PTPN4: variants seen among roughly 807,000 people sequenced by gnomAD.
The protein encoded by PTPN4 is tyrosine-protein phosphatase non-receptor type 4.
A neutral mutation model predicts 135.5 loss-of-function variants in PTPN4; 49 were observed. The ratio of observed to expected loss-of-function variants is 0.36; its 90% CI spans 0.29 to 0.46. The LOEUF (loss-of-function observed/expected upper bound fraction) is 0.46, where lower values mean the gene tolerates loss of function less well. Among genes scored for constraint, PTPN4 ranks in the 20% least tolerant of loss-of-function variants. PTPN4 has a pLI of 1.00. For missense variants in PTPN4, 860 were observed against 1,101.0 expected, an observed-to-expected ratio of 0.78 and a Z score of 3.10; for synonymous variants, 333 against 369.9, an observed-to-expected ratio of 0.90 and a Z score of 1.14.
chr2:119,779,565 C>T (rs998921104), intron 1 of PTPN4, among the ~76,000 whole-genome samples: 23 of 145,538 alleles, frequency 1.6e-4, no homozygotes, highest in Admixed American at 5.0e-4. Context: ...TGCAGTGAGC[C>T]GAGATTGTGC....
chr2:119,820,762 T>C (rs984616586), intron 2 of PTPN4, among the ~76,000 whole-genome samples: 1 of 152,186 alleles, frequency 6.6e-6, no homozygotes, highest in Non-Finnish European at 1.5e-5. Context: ...CCTTATTATT[T>C]AACATTCTTT....
intron 9 of PTPN4, among the ~76,000 whole-genome samples, chr2:119,887,105 C>T (rs1175128728): frequency 2.6e-5 from 4 of 151,716 alleles, no homozygotes; most frequent in Non-Finnish European, 4.4e-5. Flanking sequence ...ATGTAATGTA[C>T]TGGTCAGTAT....
Position 119,978,807 on chromosome 2 carries a change from T to C in PTPN4, c.*1737T>C, listed in dbSNP as rs774571248. On this transcript the variant is annotated 3_prime_UTR_variant, in exon 27 of 27. Transcript: ENST00000263708. Reference sequence around the variant, plus strand: ...AAGCCATTTAGTATGAGGGGAAGAGTACACATTTTAAATCTTTGGTATAAT... The same window carrying C: ...AAGCCATTTAGTATGAGGGGAAGAGCACACATTTTAAATCTTTGGTATAAT... The C allele has an allele frequency of 6.6e-6, 1 of 152,046 alleles. No individual in the cohort carries two copies. The highest frequency in any genetic ancestry group is 1.5e-5 in the Non-Finnish European group (1 of 67,948). 9.4% of individuals were successfully genotyped at this position (152,046 alleles called of 1,614,324 possible). A position where few individuals can be genotyped will look rare whatever the true frequency, so the allele number is the denominator to read the frequency against.
At position 119,764,843 on chromosome 2, in the gene PTPN4, A is replaced by G. The variant is rs971571668; in HGVS notation, c.-18+4459A>G. ...ACCCTTGATCACCACCATAATAGCT[A>G]TTTTTTGTTTCTTTCCAGGTAATTG... On this transcript the variant is annotated intron_variant, in intron 1 of 26. Coordinates refer to ENST00000263708, the MANE Select transcript of PTPN4 (RefSeq NM_002830.4). Among the ~76,000 whole-genome samples the G allele has an allele frequency of 5.3e-5, 8 of 152,146 alleles. 1 individual carries two copies. The highest frequency in any genetic ancestry group is 3.9e-4 in the Admixed American group (6 of 15,276).
At chr2:119,895,775 G>T (rs1678313224) in intron 9 of PTPN4, among the ~76,000 whole-genome samples, 1 of 152,088 alleles carries the variant, frequency 6.6e-6, no homozygotes, top group African/African-American at 2.4e-5. Context: ...CAAAAAATTA[G>T]CTGGGCGCGG....
chr2:119,777,377 C>A (rs937702624), intron 1 of PTPN4, among the ~76,000 whole-genome samples: 10 of 152,286 alleles, frequency 6.6e-5, no homozygotes, highest in African/African-American at 2.4e-4. Context: ...GGCTGTTCTC[C>A]TTTGCTTACC....
At chr2:119,879,907 G>A (rs1182945566) in intron 5 of PTPN4, among the ~76,000 whole-genome samples, 1 of 151,788 alleles carries the variant, frequency 6.6e-6, no homozygotes, top group Non-Finnish European at 1.5e-5. Context: ...TTGGTAGTGA[G>A]CCAAGAGGAG....
At chr2:119,881,869 G>C (rs770056251) in intron 6 of PTPN4, 39 bp downstream of exon 6, 5 of 1,413,334 alleles carry the variant, frequency 3.5e-6, no homozygotes, top group Middle Eastern at 1.8e-4. Flanking sequence ...TTTTGTAATG[G>C]ACTTTAAAAA....
intron 5 of PTPN4, among the ~76,000 whole-genome samples, chr2:119,880,662 G>A (rs529927083): frequency 2.6e-5 from 4 of 151,288 alleles, no homozygotes; most frequent in African/African-American, 4.9e-5. Flanking sequence ...GGATGGTCTC[G>A]ATCTCCTGAC....
At chr2:119,820,157 G>A (rs1274958602) in intron 2 of PTPN4, among the ~76,000 whole-genome samples, 2 of 152,094 alleles carry the variant, frequency 1.3e-5, no homozygotes, top group African/African-American at 4.8e-5. Context: ...CGCGGTGCCT[G>A]GCCTATTTGG....
At chr2:119,953,143 TTTATATGTCTAA>T (rs1408748325) in intron 19 of PTPN4, among the ~76,000 whole-genome samples, 2 of 152,174 alleles carry the variant, frequency 1.3e-5, no homozygotes, top group Non-Finnish European at 2.9e-5. Context: ...AGAAAAAAGT[TTTATATGTCTAA>T]TATCCCAGGA....
intron 18 of PTPN4, chr2:119,946,820 T>C: frequency 2.5e-6 from 1 of 403,954 alleles, no homozygotes; most frequent in Non-Finnish European, 4.4e-6. Flanking sequence ...CATTAACAGA[T>C]TCTATCAAAA....
chr2:119,769,773 T>G (rs1007545541), intron 1 of PTPN4, among the ~76,000 whole-genome samples: 1 of 152,240 alleles, frequency 6.6e-6, no homozygotes, highest in Non-Finnish European at 1.5e-5. Context: ...TAAGCAAAAC[T>G]AATTAGCAAC....
chr2:119,858,697 G>A (rs1677716479), intron 2 of PTPN4, among the ~76,000 whole-genome samples: 1 of 151,546 alleles, frequency 6.6e-6, no homozygotes, highest in African/African-American at 2.4e-5. Flanking sequence ...TGCCCAGGCT[G>A]GAGTGCAGTG....
At chr2:119,833,681 A>AT (rs899640869) in intron 2 of PTPN4, among the ~76,000 whole-genome samples, 19 of 148,790 alleles carry the variant, frequency 1.3e-4, no homozygotes, top group Admixed American at 5.4e-4. Flanking sequence ...CCTCGGACTA[A>AT]TTTTTTTTTT....
At chr2:119,933,063 T>C (rs1678929772) in intron 14 of PTPN4, among the ~76,000 whole-genome samples, 1 of 152,198 alleles carries the variant, frequency 6.6e-6, no homozygotes, top group African/African-American at 2.4e-5. Context: ...TAAAAAGCAC[T>C]GTGTGATTCA....
intron 2 of PTPN4, among the ~76,000 whole-genome samples, chr2:119,861,282 T>C (rs1677756533): frequency 6.6e-6 from 1 of 152,170 alleles, no homozygotes; most frequent in African/African-American, 2.4e-5. Flanking sequence ...ATTAACCTTG[T>C]CCCTGGAATG....
At chr2:119,906,334 AAAAAG>A (rs1373492458) in intron 10 of PTPN4, among the ~76,000 whole-genome samples, 2 of 152,186 alleles carry the variant, frequency 1.3e-5, no homozygotes, top group African/African-American at 4.8e-5. Flanking sequence ...CTGTCTGAAA[AAAAAG>A]AAAAGACAGA....
At chr2:119,789,668 A>G (rs1305251364) in intron 1 of PTPN4, among the ~76,000 whole-genome samples, 1 of 152,120 alleles carries the variant, frequency 6.6e-6, no homozygotes, top group African/African-American at 2.4e-5. Context: ...TTACTTATGA[A>G]TGCGTTATTT....
Sources: gnomAD v4.1 joint callset for allele counts (sites outside exome capture counted in the v4.1 genomes callset) on GRCh38, gnomAD v4.1.1 for gene constraint, MANE v1.5 for transcripts, NCBI Gene and HGNC (gene_info 2026-07-23, HGNC 2026-07-21) for gene names.